The following TRIM23 variants were observed in gnomAD, a reference collection of about 807,000 sequenced individuals.
The protein encoded by TRIM23 is tripartite motif containing 23, also known as E3 ubiquitin-protein ligase TRIM23.
TRIM23 carries 27 observed loss-of-function variants against 71.0 expected under a neutral mutation model. The observed-to-expected ratio is 0.38, with a 90% CI of 0.28 to 0.52. The LOEUF (loss-of-function observed/expected upper bound fraction) is 0.52. Among genes scored for constraint, TRIM23 ranks in the 20% least tolerant of loss-of-function variants. The probability of loss-of-function intolerance (pLI) is 0.84; values close to 1 mark genes in which losing one functional copy is unlikely to be tolerated. For synonymous variants in TRIM23, 234 were observed against 238.0 expected, an observed-to-expected ratio of 0.98 and a Z score of 0.16; for missense variants, 482 against 692.3, an observed-to-expected ratio of 0.70 and a Z score of 3.41.
In TRIM23 at chr5:65,590,590, C is replaced by G; in HGVS notation, c.*1179G>C. ...AATGTACCTATTTAAATAAATCGTG[C>G]TTCCATAATAATATTCTTTAAAAAT... On this transcript the variant is annotated 3_prime_UTR_variant, in exon 11 of 11. Coordinates refer to ENST00000231524, the MANE Select transcript of TRIM23 (RefSeq NM_001656.4). 2 of 1,019,196 alleles carry G rather than the reference C, an allele frequency of 2.0e-6. No homozygotes were observed. Among genetic ancestry groups the G allele is most frequent in the Non-Finnish European group, 2.4e-6 (2 of 843,884 alleles). The allele number at this position is 1,019,196 out of a possible 1,614,324, so 63.1% of individuals were successfully genotyped here. A position where few individuals can be genotyped will look rare whatever the true frequency, so the allele number is the denominator to read the frequency against.
chr5:65,615,637 T>C (rs780041422), intron 2 of TRIM23, among the ~76,000 whole-genome samples: 8 of 152,140 alleles, frequency 5.3e-5, no homozygotes, highest in Non-Finnish European at 1.0e-4. Context: ...TTAACACATA[T>C]TCTACAACAA....
At chr5:65,600,622 T>TAAAAA (rs34809421) in intron 7 of TRIM23, among the ~76,000 whole-genome samples, 3 of 102,326 alleles carry the variant, frequency 2.9e-5, no homozygotes, top group African/African-American at 1.1e-4. Context: ...AAAAGCACAG[T>TAAAAA]AAAAAAAAAA....
chr5:65,595,821 A>G (rs965305269), intron 9 of TRIM23, among the ~76,000 whole-genome samples: 1 of 152,198 alleles, frequency 6.6e-6, no homozygotes, highest in African/African-American at 2.4e-5. Context: ...CTTGGTGGAA[A>G]GCAGAATAAC....
intron 7 of TRIM23, among the ~76,000 whole-genome samples, chr5:65,598,298 A>G (rs1754262882): frequency 6.6e-6 from 1 of 152,244 alleles, no homozygotes; most frequent in South Asian, 2.1e-4. Flanking sequence ...AAGAAACTAC[A>G]GCACCCAGGC....
chr5:65,610,031 C>T (rs1314789372), intron 5 of TRIM23, among the ~76,000 whole-genome samples: 1 of 152,196 alleles, frequency 6.6e-6, no homozygotes, highest in Admixed American at 6.5e-5. Flanking sequence ...CATGCCTCAT[C>T]ACCTCTAAGT....
intron 7 of TRIM23, among the ~76,000 whole-genome samples, chr5:65,598,761 A>C (rs904744077): frequency 6.6e-6 from 1 of 152,080 alleles, no homozygotes; most frequent in African/African-American, 2.4e-5. Context: ...AAAAAAAAAA[A>C]ACACATATTA....
At chr5:65,600,520 A>C (rs1184537585) in intron 7 of TRIM23, among the ~76,000 whole-genome samples, 1 of 152,020 alleles carries the variant, frequency 6.6e-6, no homozygotes, top group African/African-American at 2.4e-5. Context: ...AATGGCCATA[A>C]ACTTAAGACC....
intron 6 of TRIM23, among the ~76,000 whole-genome samples, chr5:65,608,685 T>C (rs1754567497): frequency 6.6e-6 from 1 of 152,172 alleles, no homozygotes; most frequent in Admixed American, 6.5e-5. Flanking sequence ...TAACTGAATC[T>C]CATTTATTTA....
chr5:65,621,370 T>C (rs1408989488), intron 1 of TRIM23, among the ~76,000 whole-genome samples: 1 of 152,110 alleles, frequency 6.6e-6, no homozygotes, highest in Non-Finnish European at 1.5e-5. Context: ...ACAATAGAAT[T>C]TGATATAAAA....
At position 65,591,368 on chromosome 5, in the gene TRIM23, T is replaced by C. The variant is rs1754018786; in HGVS notation, c.*401A>G. 2 of 1,520,596 alleles carry C rather than the reference T, an allele frequency of 1.3e-6. No individual in the cohort carries two copies. Among genetic ancestry groups the C allele is most frequent in the Non-Finnish European group, 1.8e-6 (2 of 1,139,118 alleles). 94.2% of individuals were successfully genotyped at this position (1,520,596 alleles called of 1,614,324 possible). ...GGCAGGTTAAAAGAAGCAGCTATAC[T>C]TCACTTGCTTCACACAGAGGTCTCA... On this transcript the variant is annotated 3_prime_UTR_variant, in exon 11 of 11. Coordinates refer to ENST00000231524, the MANE Select transcript of TRIM23 (RefSeq NM_001656.4).
chr5:65,595,946 G>A (rs868508818), intron 9 of TRIM23, among the ~76,000 whole-genome samples: 1 of 152,084 alleles, frequency 6.6e-6, no homozygotes, highest in African/African-American at 2.4e-5. Context: ...GATATAATAC[G>A]GTTTGGTCAA....
At chr5:65,614,732 C>T (rs1242925487) in intron 2 of TRIM23, among the ~76,000 whole-genome samples, 5 of 137,490 alleles carry the variant, frequency 3.6e-5, no homozygotes, top group Admixed American at 3.0e-4. Flanking sequence ...AAGACTCTAT[C>T]TCAAAAAAAA....
At chr5:65,621,041 AT>A (rs1754924206) in intron 1 of TRIM23, among the ~76,000 whole-genome samples, 3 of 152,050 alleles carry the variant, frequency 2.0e-5, no homozygotes, top group Admixed American at 2.0e-4. Flanking sequence ...AAAAAAAAAA[AT>A]TCAATTAAAT....
chr5:65,595,293 CG>C (rs1754169420), intron 9 of TRIM23, among the ~76,000 whole-genome samples: 1 of 151,898 alleles, frequency 6.6e-6, no homozygotes, highest in Admixed American at 6.6e-5. Flanking sequence ...CGCGGTGGCT[CG>C]TGCCTCTAAT....
chr5:65,603,533 A>C (rs570008798), intron 7 of TRIM23, among the ~76,000 whole-genome samples: 1 of 152,370 alleles, frequency 6.6e-6, no homozygotes, highest in East Asian at 1.9e-4. Context: ...AATGATGACT[A>C]AAACTAAGAA....
chr5:65,602,919 T>C (rs1754400480), intron 7 of TRIM23, among the ~76,000 whole-genome samples: 1 of 152,148 alleles, frequency 6.6e-6, no homozygotes, highest in South Asian at 2.1e-4. Flanking sequence ...ACAATTCAAA[T>C]TGAGATTTGG....
chr5:65,607,759 T>A (rs152059), intron 6 of TRIM23, among the ~76,000 whole-genome samples: 94,341 of 152,086 alleles, frequency 0.62, 29,528 homozygotes, highest in South Asian at 0.65. Context: ...CTTTTAAGTG[T>A]TCAAGTAAAT....
intron 5 of TRIM23, among the ~76,000 whole-genome samples, chr5:65,610,087 T>G (rs1160036289): frequency 6.6e-6 from 1 of 152,206 alleles, no homozygotes; most frequent in South Asian, 2.1e-4. Context: ...GACCTATCTA[T>G]TCTACTTATT....
chr5:65,599,836 T>G (rs1020322850), intron 7 of TRIM23, among the ~76,000 whole-genome samples: 4 of 152,334 alleles, frequency 2.6e-5, no homozygotes, highest in Middle Eastern at 3.4e-3. Flanking sequence ...TACTTCAAAA[T>G]ATATTACAAA....
Sources: gnomAD v4.1 joint callset for allele counts (sites outside exome capture counted in the v4.1 genomes callset) on GRCh38, gnomAD v4.1.1 for gene constraint, MANE v1.5 for transcripts, NCBI Gene and HGNC (gene_info 2026-07-23, HGNC 2026-07-21) for gene names.